Variants in SCARB2 observed in about 807,000 individuals in gnomAD.
SCARB2 encodes scavenger receptor class B member 2.
In SCARB2, 29 loss-of-function variants were observed where a neutral mutation model predicts 58.6. That is an observed-to-expected ratio of 0.49 (90% CI 0.37 to 0.67). The LOEUF is 0.67. SCARB2 is among the 30% of genes least tolerant of loss of function. The pLI is 0.00. For synonymous variants in SCARB2, 195 were observed against 210.1 expected, an observed-to-expected ratio of 0.93 and a Z score of 0.62; for missense variants, 488 against 578.5, an observed-to-expected ratio of 0.84 and a Z score of 1.60.
chr4:76,199,721 T>C (rs767635482), intron 1 of SCARB2, among the ~76,000 whole-genome samples: 2 of 152,154 alleles, frequency 1.3e-5, no homozygotes, highest in Non-Finnish European at 2.9e-5. Flanking sequence ...GTGTTACCCG[T>C]GCCATCTGGA....
At chr4:76,224,744 TTTTA>T (rs944781633) in intron 1 of SCARB2, among the ~76,000 whole-genome samples, 3 of 152,024 alleles carry the variant, frequency 2.0e-5, no homozygotes, top group African/African-American at 4.8e-5. Context: ...TGTTATTTTA[TTTTA>T]TTTATTTATT....
chr4:76,199,026 ATTAC>A (rs1732776024), intron 1 of SCARB2, among the ~76,000 whole-genome samples: 1 of 152,206 alleles, frequency 6.6e-6, no homozygotes, highest in Non-Finnish European at 1.5e-5. Context: ...TTCAGTTACC[ATTAC>A]TGCCACGCCA....
At chr4:76,231,082 C>A (rs6817492) in intron 1 of SCARB2, among the ~76,000 whole-genome samples, 31,726 of 151,318 alleles carry the variant, frequency 0.21, 3,518 homozygotes, top group East Asian at 0.36. Flanking sequence ...TCATAAGCTG[C>A]ATGCTAAGGT....
At chr4:76,220,135 G>A (rs967627605) in intron 1 of SCARB2, among the ~76,000 whole-genome samples, 1 of 152,158 alleles carries the variant, frequency 6.6e-6, no homozygotes, top group African/African-American at 2.4e-5. Flanking sequence ...ATTATCATAT[G>A]ACCTAGCAAC....
rs1413261403 is a variant in SCARB2 at position 76,159,524 on chromosome 4, C to T, written c.*2189G>A. On this transcript the variant is annotated 3_prime_UTR_variant, in exon 12 of 12. Transcript: ENST00000264896. ...AGATCGCAGGGTCAGGAGATTGAGA[C>T]CATCCTGGCCAACATGGTGAAACCC... 1 of 152,216 alleles carries T rather than the reference C, an allele frequency of 6.6e-6. No homozygotes were observed. Among genetic ancestry groups the T allele is most frequent in the Non-Finnish European group, 1.5e-5 (1 of 68,072 alleles). The allele number at this position is 152,216 out of a possible 1,614,324, so 9.4% of individuals were successfully genotyped here.
At chr4:76,183,333 T>A (rs1357395327) in intron 2 of SCARB2, among the ~76,000 whole-genome samples, 1 of 152,168 alleles carries the variant, frequency 6.6e-6, no homozygotes, top group Admixed American at 6.5e-5. Context: ...GCCTTCCACC[T>A]CCTATGCCAA....
chr4:76,174,721 C>A (rs142899360), intron 6 of SCARB2: 5 of 244,952 alleles, frequency 2.0e-5, no homozygotes, highest in African/African-American at 1.1e-4. Context: ...CAGCGATGGC[C>A]GTGGCCTCGT....
At chr4:76,194,754 T>C (rs1260947355) in intron 2 of SCARB2, 1 of 152,156 alleles carries the variant, frequency 6.6e-6, no homozygotes, top group Non-Finnish European at 1.5e-5. Context: ...GATTATTGTA[T>C]GGGAGAGGGA....
At chr4:76,219,570 G>A (rs1396602748) in intron 1 of SCARB2, among the ~76,000 whole-genome samples, 2 of 152,126 alleles carry the variant, frequency 1.3e-5, no homozygotes, top group African/African-American at 4.8e-5. Context: ...ATGGGGAGAA[G>A]CTGTATAAAC....
chr4:76,211,401 G>T (rs1733043620), intron 1 of SCARB2, among the ~76,000 whole-genome samples: 1 of 152,236 alleles, frequency 6.6e-6, no homozygotes, highest in Non-Finnish European at 1.5e-5. Context: ...GCAAGGATAG[G>T]ATTTGAACAT....
intron 2 of SCARB2, among the ~76,000 whole-genome samples, chr4:76,191,102 C>T (rs1372891917): frequency 1.3e-5 from 2 of 152,172 alleles, no homozygotes; most frequent in African/African-American, 4.8e-5. Flanking sequence ...AACAATGGGA[C>T]ACTTAGATAC....
In SCARB2 at chr4:76,180,993, AG is replaced by A. The variant is rs1188875998; in HGVS notation, c.383del (p.Pro128LeufsTer5). ...VFERDQSVGDPKIDLIRTLNI... is the reference protein window; with the variant it reads ...VFERDQSVGDXKIDLIRTLNI... ...TTAATGTTCTAATTAAGTCAATTTT[AG>A]GGTCTCCAACAGATTGGTCTCGTTC... On this transcript the variant is annotated frameshift_variant, in exon 3 of 12. Transcript: ENST00000264896. LOFTEE classifies it high-confidence loss of function. 1 of 1,613,326 alleles carries A rather than the reference AG, an allele frequency of 6.2e-7. No individual in the cohort carries two copies. The highest frequency in any genetic ancestry group is 8.5e-7 in the Non-Finnish European group (1 of 1,179,656).
intron 4 of SCARB2, chr4:76,179,053 GT>G (rs76934511): frequency 2.7e-4 from 37 of 138,140 alleles, no homozygotes; most frequent in South Asian, 2.1e-3. Context: ...TTTTGTTTTT[GT>G]TTTTTTTTTG....
In SCARB2 at chr4:76,233,770, G is replaced by A. The variant is rs190001900; in HGVS notation, c.-358+533C>T. On this transcript the variant is annotated intron_variant, in intron 1 of 11. Transcript: ENST00000638295. ...TTGCTGAACAAAGCCCTATCAAGCA[G>A]TTACAGGCAGTGCCCCCAATATGTA... is the stretch of plus-strand genomic sequence containing the variant. Among the ~76,000 whole-genome samples the A allele has an allele frequency of 2.4e-3, 364 of 152,238 alleles. 2 individuals are homozygous for A. Among genetic ancestry groups the A allele is most frequent in the African/African-American group, 8.2e-3 (342 of 41,540 alleles).
At chr4:76,213,255 C>T in intron 1 of SCARB2, 172 bp downstream of exon 1, 3 of 674,616 alleles carry the variant, frequency 4.4e-6, no homozygotes, top group Admixed American at 4.1e-5. Context: ...TCCATCCTTC[C>T]TCATCCTTCT....
At position 76,181,941 on chromosome 4, in the gene SCARB2, G is replaced by T. The variant is rs951846021; in HGVS notation, c.276-840C>A. Among the ~76,000 whole-genome samples the T allele has an allele frequency of 3.9e-5, 6 of 152,128 alleles. No homozygotes were observed. In the South Asian group the frequency reaches 1.2e-3, roughly 32 times the overall value. ...AAGCATTAGAAAGTTCTTAGAAAGC[G>T]CCTGGTGCCAGGGCTGGGCCTAGAG... On this transcript the variant is annotated intron_variant, in intron 2 of 11. Transcript: ENST00000264896.
chr4:76,188,731 A>T (rs1385073738), intron 2 of SCARB2, among the ~76,000 whole-genome samples: 1 of 152,234 alleles, frequency 6.6e-6, no homozygotes, highest in African/African-American at 2.4e-5. Flanking sequence ...AAGTGACAGA[A>T]ATCAAATCCA....
intron 2 of SCARB2, among the ~76,000 whole-genome samples, chr4:76,187,801 A>G (rs1263061472): frequency 1.3e-5 from 2 of 152,116 alleles, no homozygotes; most frequent in African/African-American, 2.4e-5. Flanking sequence ...TAGTGATTAT[A>G]TATATGGAAC....
intron 1 of SCARB2, among the ~76,000 whole-genome samples, chr4:76,219,356 G>A (rs370179310): frequency 1.3e-5 from 2 of 152,156 alleles, no homozygotes; most frequent in African/African-American, 2.4e-5. Flanking sequence ...ATATTCTGAC[G>A]TGAAATGTAT....
Sources: allele counts gnomAD v4.1 joint callset (sites outside exome capture counted in the v4.1 genomes callset), GRCh38; gene constraint gnomAD v4.1.1; transcripts MANE v1.5; gene names NCBI Gene and HGNC (gene_info 2026-07-23, HGNC 2026-07-21).